Variants in TRPM3 observed in about 807,000 individuals in gnomAD.
The protein encoded by TRPM3 is transient receptor potential cation channel subfamily M member 3.
TRPM3 carries 77 observed loss-of-function variants against 181.2 expected under a neutral mutation model. The ratio of observed to expected loss-of-function variants is 0.42; its 90% CI spans 0.35 to 0.51. The LOEUF (loss-of-function observed/expected upper bound fraction) is 0.51, where lower values mean the gene tolerates loss of function less well. Ranked by LOEUF, TRPM3 falls within the 20% of genes least tolerant of loss-of-function variation. TRPM3 has a pLI of 0.01. For missense variants in TRPM3, 1,759 were observed against 2,196.7 expected, an observed-to-expected ratio of 0.80 and a Z score of 3.98; for synonymous variants, 745 against 796.4, an observed-to-expected ratio of 0.94 and a Z score of 1.09.
Position 70,639,060 on chromosome 9 carries a change from C to A in TRPM3, c.1581G>T (p.Thr527=). The A allele has an allele frequency of 6.2e-7, 1 of 1,612,962 alleles. No homozygotes were observed. Among genetic ancestry groups the A allele is most frequent in the Non-Finnish European group, 8.5e-7 (1 of 1,179,584 alleles). The change falls in exon 11 of 26, where the codon ACG becomes ACT. Residue 527 remains threonine, a splice_region_variant and synonymous_variant. Transcript: ENST00000677713. Reference sequence around the variant, plus strand: ...AAAAAGTGCCTTAGTTTGGCCCTACCGTATTGTACAATTCCTCTAGTCTGG... The same window carrying A: ...AAAAAGTGCCTTAGTTTGGCCCTACAGTATTGTACAATTCCTCTAGTCTGG... ...TISRLEELYN[T]RHGPSNTLYH...
At chr9:70,841,596 A>G (rs2094630610) in intron 5 of TRPM3, among the ~76,000 whole-genome samples, 1 of 143,218 alleles carries the variant, frequency 7.0e-6, no homozygotes, top group Non-Finnish European at 1.5e-5. Flanking sequence ...CCATCAATGG[A>G]GGATTGGATA....
chr9:70,693,103 A>T (rs2069071563), intron 8 of TRPM3, among the ~76,000 whole-genome samples: 1 of 152,160 alleles, frequency 6.6e-6, no homozygotes, highest in Non-Finnish European at 1.5e-5. Context: ...CTACAGGAAA[A>T]GTTCATTGAG....
intron 22 of TRPM3, among the ~76,000 whole-genome samples, chr9:70,577,149 C>T (rs1414226679): frequency 6.6e-6 from 1 of 152,180 alleles, no homozygotes. Context: ...CCACCGAACC[C>T]CACAGTAGAT....
chr9:70,801,935 T>A (rs868410241), intron 6 of TRPM3, among the ~76,000 whole-genome samples: 1 of 152,180 alleles, frequency 6.6e-6, no homozygotes, highest in Non-Finnish European at 1.5e-5. Context: ...ACTTCAAATG[T>A]CTCTCAATTT....
intron 1 of TRPM3, among the ~76,000 whole-genome samples, chr9:71,360,747 T>A (rs1017449046): frequency 3.3e-5 from 5 of 152,152 alleles, no homozygotes; most frequent in Non-Finnish European, 7.3e-5. Flanking sequence ...TTCAACTGAA[T>A]TTTTCTAAAC....
At chr9:71,101,454 GA>G (rs2068361688) in intron 1 of TRPM3, among the ~76,000 whole-genome samples, 1 of 152,178 alleles carries the variant, frequency 6.6e-6, no homozygotes, top group Admixed American at 6.6e-5. Context: ...AGGGAAGGCT[GA>G]ATTTTGTGTG....
At chr9:71,293,606 G>A (rs1473975176) in intron 1 of TRPM3, among the ~76,000 whole-genome samples, 2 of 148,924 alleles carry the variant, frequency 1.3e-5, no homozygotes, top group South Asian at 2.1e-4. Flanking sequence ...TACATTTGTG[G>A]AAAAAAAAAA....
chr9:70,849,325 T>C (rs2095126689), intron 3 of TRPM3, among the ~76,000 whole-genome samples: 1 of 152,136 alleles, frequency 6.6e-6, no homozygotes, highest in Admixed American at 6.5e-5. Flanking sequence ...TTTTGTATTT[T>C]TATTATAGAC....
intron 15 of TRPM3, among the ~76,000 whole-genome samples, chr9:70,621,007 A>G (rs2133207637): frequency 6.8e-6 from 1 of 147,358 alleles, no homozygotes; most frequent in African/African-American, 2.5e-5. Context: ...CTTATGACAC[A>G]TTATATATAT....
intron 1 of TRPM3, among the ~76,000 whole-genome samples, chr9:71,275,006 T>G (rs1214739549): frequency 6.6e-6 from 1 of 152,192 alleles, no homozygotes; most frequent in Admixed American, 6.5e-5. Context: ...CAAAGATCCC[T>G]GCTATCACCA....
At position 70,960,825 on chromosome 9, in the gene TRPM3, C is replaced by G. The variant is rs533449900; in HGVS notation, c.178-96314G>C. Among the ~76,000 whole-genome samples, 8 of 152,232 alleles carry G rather than the reference C, an allele frequency of 5.3e-5. No homozygotes were observed. The East Asian group carries it at 1.2e-3, about 22-fold the overall frequency. On this transcript the variant is annotated intron_variant, in intron 1 of 25. Coordinates refer to ENST00000677713, the MANE Select transcript of TRPM3 (RefSeq NM_001366145.2). ...CTCATCTCCGTGTTTCCCTGGCCAC[C>G]GCTCTGCCTTTCACTCTGTGCTGTG...
At chr9:70,631,600 T>G (rs150894528) in intron 12 of TRPM3, among the ~76,000 whole-genome samples, 2 of 152,250 alleles carry the variant, frequency 1.3e-5, no homozygotes, top group Non-Finnish European at 2.9e-5. Flanking sequence ...CAGGTTATAT[T>G]CCACAGAAAA....
intron 1 of TRPM3, among the ~76,000 whole-genome samples, chr9:71,280,284 T>C (rs535881321): frequency 6.6e-6 from 1 of 152,286 alleles, no homozygotes; most frequent in Admixed American, 6.5e-5. Flanking sequence ...TACTGCCTAT[T>C]TTTGTAGGCA....
At chr9:70,586,254 C>T (rs1179053308) in intron 22 of TRPM3, among the ~76,000 whole-genome samples, 2 of 152,176 alleles carry the variant, frequency 1.3e-5, no homozygotes, top group Non-Finnish European at 2.9e-5. Context: ...TGCTCTGGTT[C>T]CCAGCTCACA....
intron 1 of TRPM3, among the ~76,000 whole-genome samples, chr9:71,327,565 A>G (rs2089787131): frequency 6.6e-6 from 1 of 152,226 alleles, no homozygotes. Context: ...GTGCAATACA[A>G]ATCACGTAAT....
chr9:70,536,774 C>T lies in TRPM3; in HGVS notation c.4339G>A (p.Val1447Ile). Residue 1447 changes from valine to isoleucine, a missense_variant, in exon 26 of 26, where the codon GTA becomes ATA. Around this residue, in one of 8 missense-constraint regions of TRPM3, gnomAD observed 612 missense variants for 590.0 expected, o/e 1.04. Coordinates refer to ENST00000677713, the MANE Select transcript of TRPM3 (RefSeq NM_001366145.2). The stretch of plus-strand genomic sequence containing the variant: ...CTACTTGAAGGGGCTGTGGAAGGTA[C>T]TGGAGTTGAAAAGCTTGGCTCGCCC... ...GLGEPSFSTP[V>I]PSTAPSSSAY... The T allele has an allele frequency of 6.2e-7, 1 of 1,614,156 alleles. No homozygotes were observed. Among genetic ancestry groups the T allele is most frequent in the Non-Finnish European group, 8.5e-7 (1 of 1,180,030 alleles).
intron 1 of TRPM3, among the ~76,000 whole-genome samples, chr9:71,213,756 A>T (rs2079667732): frequency 6.6e-6 from 1 of 152,184 alleles, no homozygotes; most frequent in African/African-American, 2.4e-5. Context: ...TCAAATTCTG[A>T]CCAGGCAGCT....
chr9:70,846,761 C>T (rs2094973138), intron 3 of TRPM3, among the ~76,000 whole-genome samples, 170 bp from the exon 4 acceptor site: 1 of 152,138 alleles, frequency 6.6e-6, no homozygotes. Flanking sequence ...CTTCATTAGA[C>T]AGAGTTCATA....
chr9:71,324,666 C>T (rs1319561066), intron 1 of TRPM3, among the ~76,000 whole-genome samples: 3 of 152,014 alleles, frequency 2.0e-5, no homozygotes, highest in African/African-American at 7.2e-5. Context: ...ATACTGCACT[C>T]ACATGTTTAT....
Sources: gnomAD v4.1 joint callset for allele counts (sites outside exome capture counted in the v4.1 genomes callset) on GRCh38, gnomAD v4.1.1 for gene constraint, gnomAD v4.1.1 regional missense constraint, MANE v1.5 for transcripts, NCBI Gene and HGNC (gene_info 2026-07-23, HGNC 2026-07-21) for gene names.